The following TBC1D19 variants were observed in gnomAD, a reference collection of about 807,000 sequenced individuals.
TBC1D19 encodes TBC1 domain family, member 19.
In TBC1D19, 60 loss-of-function variants were observed where a neutral mutation model predicts 89.0. The ratio of observed to expected loss-of-function variants is 0.67; its 90% CI spans 0.55 to 0.84. The LOEUF (loss-of-function observed/expected upper bound fraction) is 0.84, where lower values mean the gene tolerates loss of function less well. Ranked by LOEUF, TBC1D19 falls within the 40% of genes least tolerant of loss-of-function variation. The pLI is 0.00. For synonymous variants in TBC1D19, 189 were observed against 199.7 expected (o/e 0.95, Z 0.45); for missense variants, 500 against 610.8 (o/e 0.82, Z 1.91).
the TBC1D19 span, among the ~76,000 whole-genome samples, chr4:26,831,555 C>CT: frequency 6.7e-6 from 1 of 149,996 alleles, no homozygotes; most frequent in Non-Finnish European, 1.5e-5. Flanking sequence ...CTTTATTTTC[C>CT]TTTTTCTTTC....
At chr4:26,742,764 CA>C (rs1718443909) in intron 18 of TBC1D19, among the ~76,000 whole-genome samples, 165 bp downstream of exon 18, 1 of 151,926 alleles carries the variant, frequency 6.6e-6, no homozygotes, top group African/African-American at 2.4e-5. Context: ...AACATTGTTC[CA>C]AAAATTCTTG....
chr4:26,590,603 A>G (rs1489897091), intron 1 of TBC1D19, among the ~76,000 whole-genome samples: 1 of 152,140 alleles, frequency 6.6e-6, no homozygotes, highest in East Asian at 1.9e-4. Flanking sequence ...TTTTAAATTA[A>G]TAGACTTTAG....
chr4:26,721,527 CT>C (rs1411915948), intron 15 of TBC1D19, among the ~76,000 whole-genome samples: 1 of 152,116 alleles, frequency 6.6e-6, no homozygotes, highest in Non-Finnish European at 1.5e-5. Flanking sequence ...CAACAACCAT[CT>C]AACTGGTCCC....
At chr4:26,609,345 G>T (rs1741219658) in intron 1 of TBC1D19, among the ~76,000 whole-genome samples, 1 of 152,120 alleles carries the variant, frequency 6.6e-6, no homozygotes, top group Non-Finnish European at 1.5e-5. Context: ...TAGTCAGAAA[G>T]ATAAATAGGT....
At chr4:26,632,334 A>G (rs977357148) in intron 4 of TBC1D19, among the ~76,000 whole-genome samples, 1 of 151,648 alleles carries the variant, frequency 6.6e-6, no homozygotes, top group African/African-American at 2.4e-5. Flanking sequence ...CACTGATAAC[A>G]TTAAGTGGAT....
intron 4 of TBC1D19, among the ~76,000 whole-genome samples, chr4:26,624,900 A>C (rs1277899295): frequency 2.0e-5 from 3 of 152,114 alleles, no homozygotes; most frequent in African/African-American, 4.8e-5. Context: ...TCGTCCACGC[A>C]CTGGGAAGGA....
chr4:26,670,797 A>G lies in TBC1D19; in HGVS notation c.665-1352A>G, dbSNP rs191064186. Among the ~76,000 whole-genome samples, 251 of 151,730 alleles carry G rather than the reference A, an allele frequency of 1.7e-3. 1 individual carries two copies. Among genetic ancestry groups the G allele is most frequent in the Non-Finnish European group, 1.9e-3 (128 of 67,710 alleles). ...ATAGATTAGTTTTGCTTATTTTTGT[A>G]CTTTATAGAAATGAAATCATATAGT... On this transcript the variant is annotated intron_variant, in intron 9 of 20. Transcript: ENST00000264866.
At chr4:26,834,286 C>T in the TBC1D19 span, among the ~76,000 whole-genome samples, 1 of 152,268 alleles carries the variant, frequency 6.6e-6, no homozygotes, top group Non-Finnish European at 1.5e-5. Context: ...TGGACTAATA[C>T]AGGTTGGTCT....
chr4:26,670,992 G>A (rs1428237355), intron 9 of TBC1D19, among the ~76,000 whole-genome samples: 1 of 151,028 alleles, frequency 6.6e-6, no homozygotes, highest in African/African-American at 2.4e-5. Context: ...ATTATCAATG[G>A]TGGTGCTGTG....
At position 26,755,943 on chromosome 4, in the gene TBC1D19, T is replaced by C. The variant is rs1053537049; in HGVS notation, c.*996T>C. On this transcript the variant is annotated 3_prime_UTR_variant, in exon 21 of 21. Transcript: ENST00000264866. ...CTAAAGACCTACCATTTCTGTAATA[T>C]GGAATAATAGTATGTGGGGTAAAAA... Among the ~76,000 whole-genome samples, 1 of 152,232 alleles carries C rather than the reference T, an allele frequency of 6.6e-6. No individual in the cohort carries two copies. Among genetic ancestry groups the C allele is most frequent in the Admixed American group, 6.5e-5 (1 of 15,286 alleles).
At chr4:26,687,562 C>T (rs1483562383) in intron 12 of TBC1D19, among the ~76,000 whole-genome samples, 1 of 151,956 alleles carries the variant, frequency 6.6e-6, no homozygotes, top group Non-Finnish European at 1.5e-5. Context: ...GGAGGGGTAC[C>T]TATATACTTA....
chr4:26,719,607 C>G (rs540635170), intron 14 of TBC1D19, among the ~76,000 whole-genome samples: 1 of 152,164 alleles, frequency 6.6e-6, no homozygotes, highest in South Asian at 2.1e-4. Flanking sequence ...TATTCAGCCC[C>G]ATTCTGAAAT....
intron 13 of TBC1D19, among the ~76,000 whole-genome samples, chr4:26,691,492 C>A (rs1255665245): frequency 6.6e-6 from 1 of 152,218 alleles, no homozygotes; most frequent in Non-Finnish European, 1.5e-5. Context: ...TGTTCAGCAG[C>A]CACCACCCTG....
chr4:26,730,580 T>A (rs1359326360), intron 15 of TBC1D19, among the ~76,000 whole-genome samples: 1 of 152,094 alleles, frequency 6.6e-6, no homozygotes, highest in Non-Finnish European at 1.5e-5. Context: ...ACTGATAAAG[T>A]CTACTCTATT....
In TBC1D19 at chr4:26,680,551, AATTTT is replaced by A. The variant is rs760756161; in HGVS notation, c.817-3120_817-3116del. Reference sequence around the variant, plus strand: ...TGAAACAAAATTCTGTGCTAGACTTAATTTTATTAATTACTTGATTGTATTAATAT... The same window carrying A: ...TGAAACAAAATTCTGTGCTAGACTTAATTAATTACTTGATTGTATTAATAT... On this transcript the variant is annotated intron_variant, in intron 11 of 20. Coordinates refer to ENST00000264866, the MANE Select transcript of TBC1D19 (RefSeq NM_018317.4). Among the ~76,000 whole-genome samples the A allele has an allele frequency of 1.0e-3, 158 of 152,232 alleles. 1 individual carries two copies. The highest frequency in any genetic ancestry group is 7.1e-4 in the Non-Finnish European group (48 of 68,008).
the TBC1D19 span, among the ~76,000 whole-genome samples, chr4:26,831,482 A>G: frequency 6.6e-6 from 1 of 152,114 alleles, no homozygotes; most frequent in Non-Finnish European, 1.5e-5. Flanking sequence ...GCTTTCAATA[A>G]AACCTCATTT....
At chr4:26,788,298 C>T in the TBC1D19 span, among the ~76,000 whole-genome samples, 3 of 152,140 alleles carry the variant, frequency 2.0e-5, no homozygotes, top group Non-Finnish European at 4.4e-5. Flanking sequence ...GGGAGCGGTT[C>T]TGTTTTGCTT....
intron 15 of TBC1D19, among the ~76,000 whole-genome samples, chr4:26,723,229 C>T (rs1025737469): frequency 1.3e-5 from 2 of 151,938 alleles, no homozygotes; most frequent in East Asian, 1.9e-4. Flanking sequence ...AGTTTCAGAA[C>T]AAGAAGAGAC....
chr4:26,584,348 T>C, intron 1 of TBC1D19, 56 bp downstream of exon 1: 1 of 1,508,356 alleles, frequency 6.6e-7, no homozygotes, highest in Non-Finnish European at 9.1e-7. Flanking sequence ...GCGATGTCTC[T>C]TCTTCACCCT....
Sources: allele counts gnomAD v4.1 joint callset (sites outside exome capture counted in the v4.1 genomes callset), GRCh38; gene constraint gnomAD v4.1.1; transcripts MANE v1.5; gene names NCBI Gene and HGNC (gene_info 2026-07-23, HGNC 2026-07-21).